ECEL1: variants seen among roughly 807,000 people sequenced by gnomAD.
The protein encoded by ECEL1 is endothelin converting enzyme like 1.
ECEL1 carries 87 observed loss-of-function variants against 101.8 expected under a neutral mutation model. That is an observed-to-expected ratio of 0.85 (90% CI 0.72 to 1.02). The LOEUF is 1.02. Among genes scored for constraint, ECEL1 ranks in the 50% least tolerant of loss-of-function variants. ECEL1 has a pLI of 0.00. For missense variants in ECEL1, 1,032 were observed against 1,079.2 expected (o/e 0.96, Z 0.61); for synonymous variants, 487 against 468.7 (o/e 1.04, Z -0.50).
At chr2:232,481,722 C>T (rs1690583963) in intron 13 of ECEL1, 60 bp downstream of exon 13, 1 of 1,609,076 alleles carries the variant, frequency 6.2e-7, no homozygotes, top group Non-Finnish European at 8.5e-7. Context: ...CCCTACCCTG[C>T]CTCTCCACTG....
At chr2:232,481,964 C>T in intron 12 of ECEL1, 115 bp from the exon 13 acceptor site, 1 of 1,413,522 alleles carries the variant, frequency 7.1e-7, no homozygotes, top group African/African-American at 1.4e-5. Flanking sequence ...AGGGAGGCCA[C>T]AGAGGCATCC....
chr2:232,486,388 G>C lies in ECEL1; in HGVS notation c.266C>G (p.Ala89Gly), dbSNP rs1037925558. The change falls in exon 2 of 18, where the codon GCG becomes GGG. Residue 89 changes from alanine to glycine, a missense_variant. Ala to Gly is a moderately conservative substitution (Grantham distance 60). Coordinates refer to ENST00000304546, the MANE Select transcript of ECEL1 (RefSeq NM_004826.4). ...CTCGGGACAGGCGCCGCCGCCGGCC[G>C]CGACCGGGCCCAGGTACTTGAGGGC... The part of the protein sequence containing the change: ...MLALKYLGPV[A>G]AGGGACPEGC... 1 of 1,481,720 alleles carries C rather than the reference G, an allele frequency of 6.7e-7. No individual in the cohort carries two copies. Among genetic ancestry groups the C allele is most frequent in the African/African-American group, 1.5e-5 (1 of 67,642 alleles). 91.8% of individuals were successfully genotyped at this position (1,481,720 alleles called of 1,614,324 possible). A position where few individuals can be genotyped will look rare whatever the true frequency, so the allele number is the denominator to read the frequency against.
In ECEL1 at chr2:232,485,917, G is replaced by A. The variant is rs779438663; in HGVS notation, c.737C>T (p.Ser246Leu). 1.3e-6 allele frequency: 2 copies of A among 1,575,118 alleles called. No homozygotes were observed. Among genetic ancestry groups the A allele is most frequent in the South Asian group, 1.2e-5 (1 of 86,796 alleles). The change falls in exon 2 of 18, where the codon TCG (serine) becomes TTG (leucine). Residue 246 changes from serine to leucine, a missense_variant. Transcript: ENST00000304546. ...QGVYSAAALF[S>L]LTVSLDDRNS... ...CCTGTCGTCCAGGCTGACCGTGAGCGAGAAGAGCGCGGCGGCGCTGTACAC... is the reference window on the plus strand; with the variant it reads ...CCTGTCGTCCAGGCTGACCGTGAGCAAGAAGAGCGCGGCGGCGCTGTACAC...
chr2:232,481,870 T>G lies in ECEL1; in HGVS notation c.1797-21A>C, dbSNP rs769168956. 2.5e-6 allele frequency: 4 copies of G among 1,613,654 alleles called. No individual in the cohort carries two copies. The East Asian group carries it at 6.7e-5, about 27-fold the overall frequency. ...GAGACCTGGGCCCACAGCAGCAGCA[T>G]CAGGCCCTAGCCCTCCACCCTCTGA... On this transcript the variant is annotated intron_variant, in intron 12 of 17. Coordinates refer to ENST00000304546, the MANE Select transcript of ECEL1 (RefSeq NM_004826.4).
rs1690577542 is a variant in ECEL1, at chr2:232,481,530, G to A, written c.1965C>T (p.Asp655=). 1 of 1,612,956 alleles carries A rather than the reference G, an allele frequency of 6.2e-7. No individual in the cohort carries two copies. Among genetic ancestry groups the A allele is most frequent in the African/African-American group, 1.3e-5 (1 of 75,048 alleles). Residue 655 remains aspartate, a synonymous_variant, in exon 14 of 18, where the codon GAC becomes GAT. Coordinates refer to ENST00000304546, the MANE Select transcript of ECEL1 (RefSeq NM_004826.4). ...RKAECIVRLY[D]NFTVYNQRVN... is the part of the protein sequence containing the mutation. ...CCCGCTGGTTGTAGACAGTGAAGTT[G>A]TCATAGAGACGGACGATGCACTCAG...
chr2:232,486,358 C>A lies in ECEL1; in HGVS notation c.296G>T (p.Cys99Phe), dbSNP rs768799594. 2 of 1,528,128 alleles carry A rather than the reference C, an allele frequency of 1.3e-6. No individual in the cohort carries two copies. Among genetic ancestry groups the A allele is most frequent in the Non-Finnish European group, 8.7e-7 (1 of 1,146,378 alleles). 94.7% of individuals were successfully genotyped at this position (1,528,128 alleles called of 1,614,324 possible). A position where few individuals can be genotyped will look rare whatever the true frequency, so the allele number is the denominator to read the frequency against. ...GCGCGCGAAGGCCTTGCGCTCAGGG[C>A]AGCCCTCGGGACAGGCGCCGCCGCC... is the stretch of plus-strand genomic sequence containing the variant. ...AAGGGACPEGCPERKAFARAA... is the reference protein window; with the variant it reads ...AAGGGACPEGFPERKAFARAA... The change falls in exon 2 of 18, where the codon TGC becomes TTC. Residue 99 changes from cysteine (C) to phenylalanine (F), a missense_variant. Cys to Phe is a radical substitution (Grantham distance 205). Coordinates refer to ENST00000304546, the MANE Select transcript of ECEL1 (RefSeq NM_004826.4).
intron 13 of ECEL1, 40 bp downstream of exon 13, chr2:232,481,741 GC>G (rs1350867766): frequency 2.5e-6 from 4 of 1,600,268 alleles, no homozygotes. Context: ...TGCCTGTCCT[GC>G]CCCCTCCGGG....
At chr2:232,480,665 G>A in intron 16 of ECEL1, 53 bp downstream of exon 16, 1 of 1,591,138 alleles carries the variant, frequency 6.3e-7, no homozygotes, top group African/African-American at 1.3e-5. Flanking sequence ...GACTGACCCT[G>A]GATGCCGTGT....
chr2:232,480,041 G>T lies in ECEL1; in HGVS notation c.*112C>A. On this transcript the variant is annotated 3_prime_UTR_variant, in exon 18 of 18. Coordinates refer to ENST00000304546, the MANE Select transcript of ECEL1 (RefSeq NM_004826.4). ...GGGGGACCGGGTCCTGGAGGGGCTG[G>T]AAGGCAGGTGGTGCCCAGAGCGGGG... The T allele has an allele frequency of 9.5e-7, 1 of 1,050,096 alleles. No homozygotes were observed. The highest frequency in any genetic ancestry group is 1.5e-5 in the South Asian group (1 of 67,156). 65.0% of individuals were successfully genotyped at this position (1,050,096 alleles called of 1,614,324 possible).
Position 232,480,736 on chromosome 2 carries a change from G to A in ECEL1, c.2133C>T (p.Phe711=), listed in dbSNP as rs762451866. 1 of 1,614,142 alleles carries A rather than the reference G, an allele frequency of 6.2e-7. No individual in the cohort carries two copies. The highest frequency in any genetic ancestry group is 8.5e-7 in the Non-Finnish European group (1 of 1,180,008). ...AGCCCACCTGGGCAAAGGCAATGAA[G>A]AAGAGCTGGTCATGTGTGTACTTGA... ...PRLKYTHDQL[F]FIAFAQNWCI... Residue 711 remains phenylalanine, a synonymous_variant, in exon 16 of 18, where the codon TTC becomes TTT. Transcript: ENST00000304546.
chr2:232,481,457 C>A, intron 14 of ECEL1, 49 bp downstream of exon 14: 1 of 1,569,006 alleles, frequency 6.4e-7, no homozygotes, highest in Non-Finnish European at 8.7e-7. Context: ...TGCTCCCGGC[C>A]CGTGCCCCAC....
At chr2:232,480,851 C>T (rs1470036238) in intron 15 of ECEL1, 38 bp from the exon 16 acceptor site, 1 of 1,564,458 alleles carries the variant, frequency 6.4e-7, no homozygotes, top group Non-Finnish European at 8.7e-7. Flanking sequence ...TATGCCCGCC[C>T]ACCCTGGGCA....
chr2:232,485,840 T>G, intron 2 of ECEL1, 28 bp downstream of exon 2: 1 of 1,539,530 alleles, frequency 6.5e-7, no homozygotes, highest in Non-Finnish European at 8.7e-7. Context: ...CCGCGGCCGC[T>G]GGCAGGGCGC....
chr2:232,479,989 A>T lies in ECEL1; in HGVS notation c.*164T>A. ...CCAAAGTCCAGCCTCACCCTGCTCC[A>T]GGCCCCTCCTGAAGTGAGGGGCAGC... On this transcript the variant is annotated 3_prime_UTR_variant, in exon 18 of 18. Coordinates refer to ENST00000304546, the MANE Select transcript of ECEL1 (RefSeq NM_004826.4). 3.1e-6 allele frequency: 2 copies of T among 651,552 alleles called. No individual in the cohort carries two copies. The highest frequency in any genetic ancestry group is 5.4e-6 in the Non-Finnish European group (2 of 373,432). 40.4% of individuals were successfully genotyped at this position (651,552 alleles called of 1,614,324 possible).
chr2:232,484,863 G>A lies in ECEL1; in HGVS notation c.997C>T (p.Arg333Ter), dbSNP rs370167241. The change falls in exon 5 of 18, where the codon CGA (arginine) becomes TGA (stop). Residue 333 changes from arginine (R) to a stop codon, truncating the protein, a stop_gained. Coordinates refer to ENST00000304546, the MANE Select transcript of ECEL1 (RefSeq NM_004826.4). LOFTEE classifies it high-confidence loss of function. ...ITVSEHDDLR[R>*]DVSSMYNKVT... The stretch of plus-strand genomic sequence containing the variant: ...TTGTTGTACATGGAGCTGACATCTC[G>A]CCGTAGGTCGTCATGCTCTGACACA... The A allele has an allele frequency of 2.5e-5, 40 of 1,613,728 alleles. No individual in the cohort carries two copies. In the African/African-American group the frequency reaches 4.3e-4, roughly 17 times the overall value.
intron 11 of ECEL1, 39 bp downstream of exon 11, chr2:232,482,511 G>A (rs373683014): frequency 2.2e-5 from 35 of 1,613,874 alleles, no homozygotes; most frequent in Middle Eastern, 1.6e-4. Flanking sequence ...ATCCACTTTC[G>A]GACCCTGCCC....
rs762002722 is a variant in ECEL1 at position 232,484,872 on chromosome 2, C to T, written c.988G>A (p.Asp330Asn). 40 of 1,613,710 alleles carry T rather than the reference C, an allele frequency of 2.5e-5. No homozygotes were observed. The Admixed American group carries it at 3.2e-4, about 13-fold the overall frequency. ...ATGGAGCTGACATCTCGCCGTAGGT[C>T]GTCATGCTCTGACACAGTGATCTGT... ...LANITVSEHDDLRRDVSSMYN... is the reference protein window; with the variant it reads ...LANITVSEHDNLRRDVSSMYN... Residue 330 changes from aspartate (D) to asparagine (N), a missense_variant, in exon 5 of 18, where the codon GAC (aspartate) becomes AAC (asparagine). Transcript: ENST00000304546.
At chr2:232,485,752 C>A (rs989042492) in intron 2 of ECEL1, 116 bp downstream of exon 2, 1 of 1,338,762 alleles carries the variant, frequency 7.5e-7, no homozygotes, top group Non-Finnish European at 1.0e-6. Flanking sequence ...CTCTCCTGCT[C>A]GTCTCTTCCC....
Position 232,485,052 on chromosome 2 carries a change from T to C in ECEL1, c.895A>G (p.Ser299Gly). 1 of 1,612,492 alleles carries C rather than the reference T, an allele frequency of 6.2e-7. No homozygotes were observed. The highest frequency in any genetic ancestry group is 8.5e-7 in the Non-Finnish European group (1 of 1,180,006). Residue 299 changes from serine (S) to glycine (G), a missense_variant, in exon 4 of 18, where the codon AGC becomes GGC. Transcript: ENST00000304546. ...AYRVFMERVLSLLGADAVEQK... is the reference protein window; with the variant it reads ...AYRVFMERVLGLLGADAVEQK... The stretch of plus-strand genomic sequence containing the variant: ...TCCACAGCGTCTGCACCCAGGAGGC[T>C]GAGCACTCGCTCCATGAACACCCTG...
Sources: allele counts gnomAD v4.1 joint callset, GRCh38; gene constraint gnomAD v4.1.1; transcripts MANE v1.5; gene names NCBI Gene and HGNC (gene_info 2026-07-23, HGNC 2026-07-21).